The following TJP1 variants were observed in gnomAD, a reference collection of about 807,000 sequenced individuals.
TJP1 encodes tight junction protein 1.
In TJP1, 43 loss-of-function variants were observed where a neutral mutation model predicts 194.2. The observed-to-expected ratio is 0.22, with a 90% CI of 0.17 to 0.29. TJP1 has a LOEUF of 0.29. Ranked by LOEUF, TJP1 falls within the 10% of genes least tolerant of loss-of-function variation. TJP1 has a pLI of 1.00. For missense variants in TJP1, 1,971 were observed against 2,185.7 expected (o/e 0.90, Z 1.96); for synonymous variants, 801 against 779.0 (o/e 1.03, Z -0.47).
chr15:29,763,993 A>AT (rs892199656), intron 5 of TJP1, among the ~76,000 whole-genome samples: 31 of 152,322 alleles, frequency 2.0e-4, no homozygotes, highest in African/African-American at 7.0e-4. Context: ...CATTACACAG[A>AT]TGACCCCAAA....
chr15:29,901,314 A>C (rs566170560), intron 2 of TJP1, among the ~76,000 whole-genome samples: 1 of 152,290 alleles, frequency 6.6e-6, no homozygotes, highest in East Asian at 1.9e-4. Flanking sequence ...TATTTGTTTG[A>C]CTGTTCCTGC....
Position 29,718,592 on chromosome 15 carries a change from T to C in TJP1, c.3550A>G (p.Lys1184Glu). ...AAATACTGCTTGGACTCTGCAGGCT[T>C]GGGCCCTGCTGAAGGGTGGGGCTGG... ...EAQPHPSAGP[K>E]PAESKQYFEQ... Residue 1184 changes from lysine to glutamate, a missense_variant, in exon 21 of 28, where the codon AAG becomes GAG. Around this residue, in one of 5 missense-constraint regions of TJP1, gnomAD observed 1,108 missense variants for 1,128.5 expected, o/e 0.98. Coordinates refer to ENST00000614355, the MANE Select transcript of TJP1 (RefSeq NM_001330239.4). 6.2e-7 allele frequency: 1 copy of C among 1,614,178 alleles called. No individual in the cohort carries two copies.
chr15:29,724,971 G>C (rs1265422112), intron 18 of TJP1, among the ~76,000 whole-genome samples: 1 of 152,170 alleles, frequency 6.6e-6, no homozygotes, highest in Non-Finnish European at 1.5e-5. Flanking sequence ...TATACTTTGT[G>C]CATTTTGGGA....
intron 2 of TJP1, among the ~76,000 whole-genome samples, chr15:29,790,628 A>G (rs2048011497): frequency 6.6e-6 from 1 of 152,108 alleles, no homozygotes; most frequent in Non-Finnish European, 1.5e-5. Flanking sequence ...TAAACACTGT[A>G]TCTTACTCCT....
chr15:29,907,729 C>T (rs917762068), intron 2 of TJP1, among the ~76,000 whole-genome samples: 1 of 151,846 alleles, frequency 6.6e-6, no homozygotes, highest in Non-Finnish European at 1.5e-5. Context: ...TTTAACTTAC[C>T]CATCACATTC....
At chr15:29,933,256 G>C (rs2054778376) in intron 2 of TJP1, among the ~76,000 whole-genome samples, 1 of 152,144 alleles carries the variant, frequency 6.6e-6, no homozygotes, top group African/African-American at 2.4e-5. Context: ...AAAGAGGTGA[G>C]GTCTGGGGAT....
At chr15:29,821,958 G>A in intron 1 of TJP1, 44 bp downstream of exon 1, 1 of 1,224,314 alleles carries the variant, frequency 8.2e-7, no homozygotes, top group Non-Finnish European at 1.0e-6. Context: ...GGCGGGCGGC[G>A]ACGGTCGGCC....
chr15:29,731,148 G>T (rs1053438462), intron 15 of TJP1, among the ~76,000 whole-genome samples: 1 of 151,568 alleles, frequency 6.6e-6, no homozygotes, highest in Non-Finnish European at 1.5e-5. Flanking sequence ...TTGGGGGAAG[G>T]GGCATATGTC....
At chr15:29,966,849 C>T (rs1379226620) in intron 1 of TJP1, among the ~76,000 whole-genome samples, 2 of 152,036 alleles carry the variant, frequency 1.3e-5, no homozygotes, top group African/African-American at 4.8e-5. Context: ...TCCCATACCC[C>T]CACATACCAT....
chr15:29,910,140 T>C (rs142627906), intron 2 of TJP1, among the ~76,000 whole-genome samples: 51 of 152,298 alleles, frequency 3.3e-4, no homozygotes, highest in African/African-American at 1.2e-3. Context: ...CCTCCTCAAA[T>C]CTAAATTGAT....
intron 10 of TJP1, among the ~76,000 whole-genome samples, chr15:29,740,431 G>A (rs2044334218): frequency 6.6e-6 from 1 of 151,992 alleles, no homozygotes. Flanking sequence ...TTTTAGACCA[G>A]CCTGGGCAAT....
chr15:29,741,186 G>A, intron 10 of TJP1, 145 bp downstream of exon 10: 1 of 623,296 alleles, frequency 1.6e-6, no homozygotes, highest in Non-Finnish European at 2.7e-6. Context: ...ATAAGTAGCA[G>A]AATGTTAAAT....
intron 2 of TJP1, among the ~76,000 whole-genome samples, chr15:29,833,814 C>CCTCCTCA (rs2050911843): frequency 7.3e-6 from 1 of 136,234 alleles, no homozygotes; most frequent in South Asian, 2.5e-4. Context: ...ATTTATCCAA[C>CCTCCTCA]CTCCTCATTT....
intron 4 of TJP1, among the ~76,000 whole-genome samples, chr15:29,767,216 T>C (rs889093470): frequency 2.6e-5 from 4 of 152,114 alleles, no homozygotes; most frequent in African/African-American, 9.7e-5. Context: ...TTTCCTTCAT[T>C]CTCTGCAAGC....
chr15:29,756,804 C>A (rs989888944), intron 8 of TJP1, among the ~76,000 whole-genome samples: 2 of 152,146 alleles, frequency 1.3e-5, no homozygotes, highest in Admixed American at 6.5e-5. Flanking sequence ...AGTTTTAATC[C>A]TGGCCCCAAT....
chr15:29,852,631 C>T (rs2051685132), intron 2 of TJP1, among the ~76,000 whole-genome samples: 1 of 152,146 alleles, frequency 6.6e-6, no homozygotes, highest in African/African-American at 2.4e-5. Context: ...AACTTAGGGC[C>T]GGGCATGGTG....
At chr15:29,714,537 CTTTTT>C (rs58378713) in intron 23 of TJP1, among the ~76,000 whole-genome samples, 2 of 88,982 alleles carry the variant, frequency 2.2e-5, no homozygotes, top group Non-Finnish European at 4.4e-5. Context: ...TGCGCCCAGC[CTTTTT>C]TTTTTTTTTT....
At chr15:29,935,949 C>T (rs2054867274) in intron 2 of TJP1, among the ~76,000 whole-genome samples, 1 of 152,104 alleles carries the variant, frequency 6.6e-6, no homozygotes, top group African/African-American at 2.4e-5. Flanking sequence ...TGTTCCTAGC[C>T]AGGGTTCCCT....
At chr15:29,811,837 C>T (rs2049534262) in intron 1 of TJP1, among the ~76,000 whole-genome samples, 1 of 149,278 alleles carries the variant, frequency 6.7e-6, no homozygotes, top group African/African-American at 2.5e-5. Context: ...AACTACTAAC[C>T]TACAGGCTGA....
Sources: gnomAD v4.1 joint callset for allele counts (sites outside exome capture counted in the v4.1 genomes callset) on GRCh38, gnomAD v4.1.1 for gene constraint, gnomAD v4.1.1 regional missense constraint, MANE v1.5 for transcripts, NCBI Gene and HGNC (gene_info 2026-07-23, HGNC 2026-07-21) for gene names.